Variants in SCN11A observed in about 807,000 individuals in gnomAD.
SCN11A encodes sodium channel protein type 11 subunit alpha.
A neutral mutation model predicts 162.2 loss-of-function variants in SCN11A; 122 were observed. The observed-to-expected ratio is 0.75, with a 90% confidence interval of 0.65 to 0.87. SCN11A has a LOEUF of 0.87. SCN11A is among the 40% of genes least tolerant of loss of function. The pLI is 0.00. For missense variants in SCN11A, 2,015 were observed against 2,181.6 expected (o/e 0.92, Z 1.52); for synonymous variants, 758 against 751.5 (o/e 1.01, Z -0.14).
chr3:39,039,088 CT>C (rs921248626), intron 1 of SCN11A, among the ~76,000 whole-genome samples: 2 of 152,208 alleles, frequency 1.3e-5, no homozygotes, highest in African/African-American at 4.8e-5. Context: ...AACCTTCTTC[CT>C]CTCTTTCACC....
chr3:38,871,708 C>G lies in SCN11A; in HGVS notation c.3496G>C (p.Val1166Leu). 2 of 1,581,440 alleles carry G rather than the reference C, an allele frequency of 1.3e-6. No individual in the cohort carries two copies. Among genetic ancestry groups the G allele is most frequent in the Non-Finnish European group, 1.7e-6 (2 of 1,169,368 alleles). The change falls in exon 25 of 30, where the codon GTG (valine) becomes CTG (leucine). Residue 1166 changes from valine (V) to leucine (L), a missense_variant and splice_region_variant. Coordinates refer to ENST00000302328, the MANE Select transcript of SCN11A (RefSeq NM_001349253.2). ...RALSQFEGMK[V>L]VVNALIGAIP... Reference sequence around the variant, plus strand: ...GCACCTATGAGAGCATTGACCACCACCTTATGGAAACAAAAGCAAAGAAAA... The same window carrying G: ...GCACCTATGAGAGCATTGACCACCAGCTTATGGAAACAAAAGCAAAGAAAA...
intron 2 of SCN11A, among the ~76,000 whole-genome samples, chr3:38,984,136 C>G (rs2030151812): frequency 6.6e-6 from 1 of 152,220 alleles, no homozygotes; most frequent in Non-Finnish European, 1.5e-5. Context: ...CCAGAGCAGT[C>G]TTGCTCCATG....
rs140877359 is a variant in SCN11A, at chr3:39,037,766, T to C, written c.-403-5263A>G. On this transcript the variant is annotated intron_variant, in intron 1 of 29. Coordinates refer to ENST00000302328, the MANE Select transcript of SCN11A (RefSeq NM_001349253.2). Reference sequence around the variant, plus strand: ...GGTCCTGGAACAAATCCCCCATAGATATTGAGGGATGACTGTACTTATAAT... The same window carrying C: ...GGTCCTGGAACAAATCCCCCATAGACATTGAGGGATGACTGTACTTATAAT... 1.9e-3 allele frequency among the ~76,000 whole-genome samples: 290 copies of C among 152,226 alleles called. 3 individuals carry two copies. The highest frequency in any genetic ancestry group is 9.3e-3 in the East Asian group (48 of 5,186).
chr3:39,020,071 G>A (rs57620978), intron 2 of SCN11A, among the ~76,000 whole-genome samples: 23,094 of 152,116 alleles, frequency 0.15, 3,485 homozygotes, highest in African/African-American at 0.39. Flanking sequence ...TTTGCGCAAA[G>A]TATTTAACCT....
intron 2 of SCN11A, among the ~76,000 whole-genome samples, chr3:38,989,908 G>A (rs1452497512): frequency 6.6e-6 from 1 of 151,384 alleles, no homozygotes; most frequent in African/African-American, 2.4e-5. Context: ...GGGTGACTCT[G>A]TCGAAATAAT....
chr3:38,945,299 A>G (rs973493473), intron 7 of SCN11A, 112 bp downstream of exon 7: 4 of 663,014 alleles, frequency 6.0e-6, no homozygotes, highest in African/African-American at 5.5e-5. Flanking sequence ...TTCTGCCAAC[A>G]TATGTGTTAG....
intron 7 of SCN11A, among the ~76,000 whole-genome samples, chr3:38,939,601 A>G (rs908781510): frequency 1.3e-5 from 2 of 152,090 alleles, no homozygotes; most frequent in South Asian, 4.1e-4. Flanking sequence ...CCTCATTTCC[A>G]TGCTATTAAA....
At position 38,847,236 on chromosome 3, in the gene SCN11A, C is replaced by T; in HGVS notation, c.4834G>A (p.Glu1612Lys). The T allele has an allele frequency of 3.7e-6, 6 of 1,614,024 alleles. No individual in the cohort carries two copies. Among genetic ancestry groups the T allele is most frequent in the Non-Finnish European group, 5.1e-6 (6 of 1,179,918 alleles). Residue 1612 changes from glutamate to lysine, a missense_variant, in exon 30 of 30, where the codon GAA (glutamate) becomes AAA (lysine). Physicochemically the swap from Glu to Lys is moderately conservative, Grantham distance 56. Transcript: ENST00000302328. ...TCACCCAAAGGGTCCTCACTTTCTT[C>T]AGTGGCTGTATTGAAGTTCTCTAAA... is the stretch of plus-strand genomic sequence containing the variant. ...VILENFNTAT[E>K]ESEDPLGEDD...
At chr3:38,862,888 G>C (rs576697957) in intron 28 of SCN11A, among the ~76,000 whole-genome samples, 113 of 152,110 alleles carry the variant, frequency 7.4e-4, no homozygotes, top group Middle Eastern at 3.4e-3. Flanking sequence ...AAAAACTACT[G>C]AAATAAAATA....
intron 19 of SCN11A, among the ~76,000 whole-genome samples, chr3:38,893,701 A>G (rs11919589): frequency 0.2 from 30,732 of 152,114 alleles, 3,478 homozygotes; most frequent in Non-Finnish European, 0.25. Context: ...TTCGAAATTA[A>G]TAACAAATAG....
chr3:38,962,865 A>T (rs2066750345), intron 2 of SCN11A, among the ~76,000 whole-genome samples: 1 of 151,314 alleles, frequency 6.6e-6, no homozygotes, highest in African/African-American at 2.4e-5. Flanking sequence ...AAAATAAAAT[A>T]ATAATAATAA....
rs961777615 is a variant in SCN11A at position 38,937,372 on chromosome 3, G to T, written c.488+8039C>A. On this transcript the variant is annotated intron_variant, in intron 7 of 29. Coordinates refer to ENST00000302328, the MANE Select transcript of SCN11A (RefSeq NM_001349253.2). ...GCAACAAAAGCCAAAATTGACAAAT[G>T]GGATCTAATTAAACTAAAGAGCTTC... 2.0e-5 allele frequency among the ~76,000 whole-genome samples: 3 copies of T among 149,946 alleles called. No homozygotes were observed. In the East Asian group the frequency reaches 5.8e-4, roughly 29 times the overall value.
At chr3:38,878,346 C>T (rs1420855433) in intron 23 of SCN11A, among the ~76,000 whole-genome samples, 4 of 151,710 alleles carry the variant, frequency 2.6e-5, no homozygotes, top group Non-Finnish European at 2.9e-5. Flanking sequence ...AGTCCACATC[C>T]TCATTTTTAC....
At position 38,928,769 on chromosome 3, in the gene SCN11A, T is replaced by A. The variant is rs541772094; in HGVS notation, c.489-1838A>T. 9.1e-4 allele frequency among the ~76,000 whole-genome samples: 139 copies of A among 152,184 alleles called. 1 individual carries two copies. The highest frequency in any genetic ancestry group is 8.1e-4 in the Non-Finnish European group (55 of 68,018). The stretch of plus-strand genomic sequence containing the variant: ...GCCCATTAGGATGGCTACTATTTTT[T>A]AAAAAACCTAAAATAACAAGTGTTG... On this transcript the variant is annotated intron_variant, in intron 7 of 29. Coordinates refer to ENST00000302328, the MANE Select transcript of SCN11A (RefSeq NM_001349253.2).
intron 2 of SCN11A, among the ~76,000 whole-genome samples, chr3:38,963,040 C>T (rs1559558018): frequency 6.6e-6 from 1 of 151,274 alleles, no homozygotes; most frequent in South Asian, 2.1e-4. Flanking sequence ...ATTAAAAAAT[C>T]AAAAAACAGT....
chr3:38,923,593 A>C (rs2066088157), intron 9 of SCN11A, among the ~76,000 whole-genome samples: 1 of 152,180 alleles, frequency 6.6e-6, no homozygotes, highest in South Asian at 2.1e-4. Context: ...ATCAGTCAGG[A>C]AATGCTATTG....
intron 18 of SCN11A, among the ~76,000 whole-genome samples, chr3:38,896,471 C>A (rs2065599111): frequency 6.6e-6 from 1 of 152,192 alleles, no homozygotes; most frequent in African/African-American, 2.4e-5. Context: ...TTTTTAAAAA[C>A]ACATATTTCT....
intron 2 of SCN11A, among the ~76,000 whole-genome samples, chr3:39,024,560 T>A (rs1020320697): frequency 1.3e-5 from 2 of 152,170 alleles, no homozygotes; most frequent in African/African-American, 4.8e-5. Flanking sequence ...CCAAGGCAGG[T>A]CACAGAAACC....
chr3:38,857,060 C>T (rs539035068), intron 28 of SCN11A, among the ~76,000 whole-genome samples: 2 of 152,200 alleles, frequency 1.3e-5, no homozygotes, highest in Non-Finnish European at 2.9e-5. Context: ...TGAAAAGGAA[C>T]CAGAAAAGTA....
Sources: gnomAD v4.1 joint callset for allele counts (sites outside exome capture counted in the v4.1 genomes callset) on GRCh38, gnomAD v4.1.1 for gene constraint, MANE v1.5 for transcripts, NCBI Gene and HGNC (gene_info 2026-07-23, HGNC 2026-07-21) for gene names.